The following SYCE1L variants were observed in gnomAD, a reference collection of about 807,000 sequenced individuals.
SYCE1L encodes the protein synaptonemal complex central element protein 1-like.
A neutral mutation model predicts 39.6 loss-of-function variants in SYCE1L; 51 were observed. The ratio of observed to expected loss-of-function variants is 1.29; its 90% CI spans 1.03 to 1.63. SYCE1L has a LOEUF of 1.63. Among genes scored for constraint, SYCE1L ranks in the 40% most tolerant of loss-of-function variants. The probability of loss-of-function intolerance (pLI) is 0.00; values close to 1 mark genes in which losing one functional copy is unlikely to be tolerated. For missense variants in SYCE1L, 426 were observed against 304.9 expected, an observed-to-expected ratio of 1.40 and a Z score of -2.96; for synonymous variants, 147 against 122.4, an observed-to-expected ratio of 1.20 and a Z score of -1.33.
rs747125456 is a variant in SYCE1L, at chr16:77,208,460, C to G, written c.182-5C>G. 1 of 1,551,524 alleles carries G rather than the reference C, an allele frequency of 6.4e-7. No homozygotes were observed. Among genetic ancestry groups the G allele is most frequent in the East Asian group, 2.4e-5 (1 of 40,930 alleles). On this transcript the variant is annotated splice_polypyrimidine_tract_variant and splice_region_variant and intron_variant, in intron 3 of 10. Transcript: ENST00000378644. ...ATACAGTGTCTTTTTCCCTTCTTGGCCCAGCAAAGAAGAAATCCAGTGAGG... is the reference window on the plus strand; with the variant it reads ...ATACAGTGTCTTTTTCCCTTCTTGGGCCAGCAAAGAAGAAATCCAGTGAGG...
At chr16:77,210,035 T>G (rs2054811735) in intron 6 of SYCE1L, among the ~76,000 whole-genome samples, 1 of 152,196 alleles carries the variant, frequency 6.6e-6, no homozygotes, top group Admixed American at 6.5e-5. Flanking sequence ...TAGCAATCCT[T>G]TCTTTCTCTG....
chr16:77,210,379 G>A (rs1193637696), intron 6 of SYCE1L, among the ~76,000 whole-genome samples: 1 of 152,128 alleles, frequency 6.6e-6, no homozygotes, highest in African/African-American at 2.4e-5. Context: ...GTTACCAGAG[G>A]TCTCTCATCC....
intron 6 of SYCE1L, among the ~76,000 whole-genome samples, chr16:77,210,519 A>G (rs2054815322): frequency 2.0e-5 from 3 of 152,160 alleles, no homozygotes; most frequent in African/African-American, 7.2e-5. Flanking sequence ...AATGATAATT[A>G]TAGGAGTTAA....
intron 2 of SYCE1L, among the ~76,000 whole-genome samples, chr16:77,207,511 T>C (rs1253842188): frequency 6.6e-6 from 1 of 152,166 alleles, no homozygotes; most frequent in Non-Finnish European, 1.5e-5. Flanking sequence ...AAAGCAGGGA[T>C]TCCCCATTTC....
intron 1 of SYCE1L, chr16:77,199,783 C>G: frequency 3.0e-6 from 1 of 338,526 alleles, no homozygotes; most frequent in Non-Finnish European, 5.3e-6. Flanking sequence ...CGAAAGTCTT[C>G]AAACAAAAGT....
At chr16:77,207,570 C>T (rs569367566) in intron 2 of SYCE1L, among the ~76,000 whole-genome samples, 4 of 152,298 alleles carry the variant, frequency 2.6e-5, no homozygotes, top group African/African-American at 9.6e-5. Flanking sequence ...GACAACCCTT[C>T]CTGCCTGGAT....
chr16:77,200,890 T>C (rs950786432), intron 1 of SYCE1L: 2 of 152,210 alleles, frequency 1.3e-5, no homozygotes, highest in African/African-American at 4.8e-5. Flanking sequence ...AAAGCCCATG[T>C]GTACCTATCA....
rs1385491272 is a variant in SYCE1L at position 77,199,805 on chromosome 16, G to A, written c.61+293G>A. The A allele has an allele frequency of 2.4e-5, 7 of 292,136 alleles. No homozygotes were observed. The East Asian group carries it at 4.8e-4, about 20-fold the overall frequency. 18.1% of individuals were successfully genotyped at this position (292,136 alleles called of 1,614,324 possible). A position where few individuals can be genotyped will look rare whatever the true frequency, so the allele number is the denominator to read the frequency against. On this transcript the variant is annotated intron_variant, in intron 1 of 10. Coordinates refer to ENST00000378644, the MANE Select transcript of SYCE1L (RefSeq NM_001129979.3). The stretch of plus-strand genomic sequence containing the variant: ...CTTCAAACAAAAGTGGGGCGGTGGG[G>A]ATGTTCTCATAACAATCACCGTGCT...
In SYCE1L at chr16:77,211,255, C is replaced by G. The variant is rs372796607; in HGVS notation, c.402C>G (p.His134Gln). The stretch of plus-strand genomic sequence containing the variant: ...AGCTGGAGGATCTGATGGGCCAGCA[C>G]AAGGACCTCTGGGAATTCCACGTGA... Reference protein sequence around the residue: ...RGQLEDLMGQHKDLWEFHMLE... With the variant: ...RGQLEDLMGQQKDLWEFHMLE... The change falls in exon 7 of 11, where the codon CAC (histidine) becomes CAG (glutamine). Residue 134 changes from histidine to glutamine, a missense_variant. By Grantham distance (24) the His-to-Gln change is conservative. Coordinates refer to ENST00000378644, the MANE Select transcript of SYCE1L (RefSeq NM_001129979.3). The G allele has an allele frequency of 2.2e-5, 34 of 1,551,828 alleles. No homozygotes were observed. The highest frequency in any genetic ancestry group is 3.0e-5 in the Non-Finnish European group (34 of 1,147,038).
At chr16:77,209,795 C>A (rs1387507373) in intron 6 of SYCE1L, among the ~76,000 whole-genome samples, 1 of 152,174 alleles carries the variant, frequency 6.6e-6, no homozygotes, top group African/African-American at 2.4e-5. Flanking sequence ...AAGCCCCAGT[C>A]ATCCATTTGC....
At chr16:77,200,687 C>T (rs2054730187) in intron 1 of SYCE1L, 1 of 139,168 alleles carries the variant, frequency 7.2e-6, no homozygotes, top group African/African-American at 2.7e-5. Flanking sequence ...ACCCGGGAGG[C>T]AGAGGTTATC....
chr16:77,203,371 T>C (rs1464557037), intron 1 of SYCE1L, among the ~76,000 whole-genome samples: 16 of 151,766 alleles, frequency 1.1e-4, no homozygotes, highest in Non-Finnish European at 2.1e-4. Context: ...AATTTAAAAA[T>C]TAAAATGCAA....
intron 9 of SYCE1L, 59 bp downstream of exon 9, chr16:77,212,428 C>T: frequency 6.5e-7 from 1 of 1,531,072 alleles, no homozygotes; most frequent in Non-Finnish European, 8.8e-7. Context: ...GGGGAACCCG[C>T]CCAGGTCCCC....
intron 1 of SYCE1L, among the ~76,000 whole-genome samples, chr16:77,202,951 T>C (rs2054757180): frequency 7.9e-6 from 1 of 126,450 alleles, no homozygotes; most frequent in South Asian, 2.8e-4. Context: ...CCTCCCCTTG[T>C]TATTAAAGTA....
At chr16:77,207,627 AC>A (rs1335766186) in intron 2 of SYCE1L, among the ~76,000 whole-genome samples, 1 of 152,058 alleles carries the variant, frequency 6.6e-6, no homozygotes, top group Admixed American at 6.5e-5. Flanking sequence ...CTCACACCAC[AC>A]TCAGAGTTAC....
intron 3 of SYCE1L, 68 bp downstream of exon 3, chr16:77,208,337 C>T: frequency 1.3e-6 from 2 of 1,535,698 alleles, no homozygotes; most frequent in Non-Finnish European, 1.8e-6. Context: ...AATGAATCCA[C>T]CTCCTCATCT....
intron 1 of SYCE1L, 164 bp downstream of exon 1, chr16:77,199,676 G>C: frequency 1.7e-6 from 1 of 599,694 alleles, no homozygotes; most frequent in Non-Finnish European, 2.9e-6. Context: ...GTTCAGCACA[G>C]TGGAGATAAA....
intron 1 of SYCE1L, among the ~76,000 whole-genome samples, chr16:77,202,934 A>G (rs547608763): frequency 1.6e-5 from 2 of 125,710 alleles, no homozygotes; most frequent in East Asian, 7.7e-4. Context: ...TAAAATAATC[A>G]CAAACACCTC....
At chr16:77,211,547 C>T (rs1324579041) in intron 7 of SYCE1L, among the ~76,000 whole-genome samples, 3 of 152,180 alleles carry the variant, frequency 2.0e-5, no homozygotes. Context: ...AGTGTATGTT[C>T]ACCTTGCAGT....
Sources: gnomAD v4.1 joint callset for allele counts (sites outside exome capture counted in the v4.1 genomes callset) on GRCh38, gnomAD v4.1.1 for gene constraint, MANE v1.5 for transcripts, NCBI Gene and HGNC (gene_info 2026-07-23, HGNC 2026-07-21) for gene names.